Variants in NOL4 observed in about 807,000 individuals in gnomAD.
NOL4 encodes the protein cancer/testis antigen 125.
NOL4 carries 17 observed loss-of-function variants against 75.9 expected under a neutral mutation model. The observed-to-expected ratio is 0.22, with a 90% confidence interval of 0.15 to 0.34. The LOEUF is 0.34. NOL4 is among the 10% of genes least tolerant of loss of function. The pLI, the probability that NOL4 is intolerant of heterozygous loss-of-function variation, is 1.00. For synonymous variants in NOL4, 292 were observed against 289.9 expected, an observed-to-expected ratio of 1.01 and a Z score of -0.07; for missense variants, 614 against 793.5, an observed-to-expected ratio of 0.77 and a Z score of 2.72.
At chr18:34,062,214 A>G (rs866138108) in intron 5 of NOL4, among the ~76,000 whole-genome samples, 1 of 152,050 alleles carries the variant, frequency 6.6e-6, no homozygotes. Context: ...TTTAAAAAAA[A>G]AGTTTTTTTT....
chr18:33,971,508 G>A (rs1396331849), intron 6 of NOL4, among the ~76,000 whole-genome samples: 2 of 152,122 alleles, frequency 1.3e-5, no homozygotes, highest in African/African-American at 2.4e-5. Context: ...AAATTTTGAG[G>A]TGATGTATTT....
intron 9 of NOL4, among the ~76,000 whole-genome samples, chr18:33,913,486 G>A (rs551425034): frequency 1.3e-5 from 2 of 152,048 alleles, no homozygotes; most frequent in African/African-American, 4.8e-5. Context: ...CAAATGATTT[G>A]TTCTACTTCT....
rs192229021 is a variant in NOL4, at chr18:34,049,919, G to A, written c.773-30318C>T. Among the ~76,000 whole-genome samples the A allele has an allele frequency of 3.3e-5, 5 of 152,200 alleles. No homozygotes were observed. In the East Asian group the frequency reaches 7.7e-4, roughly 24 times the overall value. Reference sequence around the variant, plus strand: ...ATAGGGCTATCTTTAGTTACTTCTTGCTTGTCACCCTAATGCGTTTGAAAA... The same window carrying A: ...ATAGGGCTATCTTTAGTTACTTCTTACTTGTCACCCTAATGCGTTTGAAAA... On this transcript the variant is annotated intron_variant, in intron 5 of 10. Coordinates refer to ENST00000261592, the MANE Select transcript of NOL4 (RefSeq NM_003787.5).
chr18:33,854,139 C>G (rs766584394), intron 10 of NOL4, among the ~76,000 whole-genome samples: 1 of 151,994 alleles, frequency 6.6e-6, no homozygotes, highest in Non-Finnish European at 1.5e-5. Flanking sequence ...CCTAAACATG[C>G]GTAAATTTTC....
At chr18:33,863,526 C>A (rs962794069) in intron 10 of NOL4, among the ~76,000 whole-genome samples, 2 of 152,148 alleles carry the variant, frequency 1.3e-5, no homozygotes, top group African/African-American at 4.8e-5. Context: ...GGCTACAGGC[C>A]CCATACAAGT....
At chr18:33,883,165 C>CTATGTA in intron 10 of NOL4, 79 bp downstream of exon 10, 2 of 1,077,438 alleles carry the variant, frequency 1.9e-6, no homozygotes, top group Non-Finnish European at 2.7e-6. Context: ...ATGTAACTAA[C>CTATGTA]CTGCGCAATG....
intron 5 of NOL4, among the ~76,000 whole-genome samples, chr18:34,044,478 A>G (rs1370159799): frequency 6.6e-6 from 1 of 150,440 alleles, no homozygotes; most frequent in Non-Finnish European, 1.5e-5. Flanking sequence ...GACTCCAGTA[A>G]TAAAAGACAA....
intron 6 of NOL4, among the ~76,000 whole-genome samples, chr18:33,980,292 A>T (rs2071846714): frequency 1.3e-5 from 2 of 152,024 alleles, no homozygotes; most frequent in Non-Finnish European, 2.9e-5. Context: ...GAAAAGGAAA[A>T]ACTCCAAGGA....
chr18:33,990,439 C>T (rs552322529), intron 6 of NOL4, among the ~76,000 whole-genome samples: 2 of 151,980 alleles, frequency 1.3e-5, no homozygotes, highest in Non-Finnish European at 2.9e-5. Context: ...TAGAACAGAA[C>T]ATGCTTCCTG....
At chr18:34,060,999 A>G (rs2077044423) in intron 5 of NOL4, among the ~76,000 whole-genome samples, 1 of 152,126 alleles carries the variant, frequency 6.6e-6, no homozygotes, top group South Asian at 2.1e-4. Context: ...GACATTCAGC[A>G]TTTTTTCTTC....
chr18:34,021,932 C>T (rs1271285918), intron 5 of NOL4, among the ~76,000 whole-genome samples: 1 of 151,642 alleles, frequency 6.6e-6, no homozygotes, highest in Non-Finnish European at 1.5e-5. Context: ...GTGAAACCCC[C>T]GTCTCTACTT....
intron 10 of NOL4, among the ~76,000 whole-genome samples, chr18:33,857,130 T>C (rs2062872862): frequency 6.6e-6 from 1 of 152,052 alleles, no homozygotes; most frequent in Non-Finnish European, 1.5e-5. Context: ...TACCTTTTAT[T>C]AGGTCAATAC....
intron 9 of NOL4, among the ~76,000 whole-genome samples, chr18:33,925,694 G>C (rs1228506222): frequency 6.6e-6 from 1 of 152,060 alleles, no homozygotes; most frequent in Non-Finnish European, 1.5e-5. Context: ...ACATTACCCT[G>C]AAATCCAAAG....
chr18:34,058,712 T>C lies in NOL4; in HGVS notation c.772+34753A>G, dbSNP rs114411195. Among the ~76,000 whole-genome samples, 1,177 of 152,202 alleles carry C rather than the reference T, an allele frequency of 7.7e-3. 7 individuals carry two copies. The highest frequency in any genetic ancestry group is 0.027 in the African/African-American group (1,116 of 41,508). On this transcript the variant is annotated intron_variant, in intron 5 of 10. Coordinates refer to ENST00000261592, the MANE Select transcript of NOL4 (RefSeq NM_003787.5). ...CTGTATCTCACAACTAGAAACTGTATCCACAGTTTTTAACCCAGTGCCTGC... is the reference window on the plus strand; with the variant it reads ...CTGTATCTCACAACTAGAAACTGTACCCACAGTTTTTAACCCAGTGCCTGC...
At chr18:33,914,617 T>A (rs952822040) in intron 9 of NOL4, among the ~76,000 whole-genome samples, 3 of 151,766 alleles carry the variant, frequency 2.0e-5, no homozygotes, top group Non-Finnish European at 4.4e-5. Flanking sequence ...TGATGGTGAG[T>A]TGGAAAAGGA....
intron 9 of NOL4, among the ~76,000 whole-genome samples, chr18:33,937,458 A>C (rs1031035092): frequency 5.3e-5 from 8 of 152,160 alleles, no homozygotes; most frequent in African/African-American, 1.7e-4. Flanking sequence ...TGAGTGGCTT[A>C]ACAGAAAGCC....
intron 5 of NOL4, among the ~76,000 whole-genome samples, chr18:34,066,090 A>C (rs1182030285): frequency 6.6e-6 from 1 of 151,970 alleles, no homozygotes; most frequent in Non-Finnish European, 1.5e-5. Context: ...TATATATTCT[A>C]ACAACAAAAA....
intron 6 of NOL4, among the ~76,000 whole-genome samples, chr18:33,996,348 G>A (rs940634013): frequency 5.9e-5 from 9 of 151,722 alleles, no homozygotes; most frequent in Non-Finnish European, 1.0e-4. Flanking sequence ...AAAATCAATA[G>A]TATTTCTGTA....
At chr18:34,084,597 A>G (rs762474975) in intron 5 of NOL4, among the ~76,000 whole-genome samples, 3 of 152,222 alleles carry the variant, frequency 2.0e-5, no homozygotes, top group Non-Finnish European at 2.9e-5. Context: ...TACATAAGAT[A>G]TACTTTGTTT....
Sources: gnomAD v4.1 joint callset for allele counts (sites outside exome capture counted in the v4.1 genomes callset) on GRCh38, gnomAD v4.1.1 for gene constraint, MANE v1.5 for transcripts, NCBI Gene and HGNC (gene_info 2026-07-23, HGNC 2026-07-21) for gene names.